HNRNPC: variants seen among roughly 807,000 people sequenced by gnomAD.
HNRNPC encodes heterogeneous nuclear ribonucleoprotein C.
HNRNPC carries 3 observed loss-of-function variants against 33.2 expected under a neutral mutation model. The ratio of observed to expected loss-of-function variants is 0.09; its 90% CI spans 0.04 to 0.23. The LOEUF (loss-of-function observed/expected upper bound fraction) is 0.23. Among genes scored for constraint, HNRNPC ranks in the 10% least tolerant of loss-of-function variants. HNRNPC has a pLI of 1.00. For missense variants in HNRNPC, 143 were observed against 366.7 expected, an observed-to-expected ratio of 0.39 and a Z score of 4.98; for synonymous variants, 121 against 126.7, an observed-to-expected ratio of 0.96 and a Z score of 0.30.
At chr14:21,253,791 C>T (rs573434707) in intron 2 of HNRNPC, among the ~76,000 whole-genome samples, 19 of 152,070 alleles carry the variant, frequency 1.2e-4, no homozygotes, top group South Asian at 2.1e-4. Context: ...TGCGGCCAGG[C>T]GCGGTGGCTC....
chr14:21,219,659 T>C (rs1892610220), intron 5 of HNRNPC, among the ~76,000 whole-genome samples: 5 of 152,226 alleles, frequency 3.3e-5, no homozygotes, highest in Admixed American at 2.6e-4. Flanking sequence ...TGCTCATTTC[T>C]TCCTTACCGC....
At chr14:21,248,227 G>C (rs937657033) in intron 2 of HNRNPC, among the ~76,000 whole-genome samples, 2 of 152,090 alleles carry the variant, frequency 1.3e-5, no homozygotes, top group African/African-American at 4.8e-5. Flanking sequence ...TGTACTTTTA[G>C]TACAGACGGG....
intron 1 of HNRNPC, chr14:21,265,548 C>G (rs934728856): frequency 1.3e-5 from 2 of 152,340 alleles, no homozygotes; most frequent in African/African-American, 4.8e-5. Context: ...GTGGCTCACA[C>G]CTGTAATCCC....
chr14:21,240,844 G>GA (rs1367076498), intron 2 of HNRNPC, among the ~76,000 whole-genome samples: 1 of 152,038 alleles, frequency 6.6e-6, no homozygotes, highest in Non-Finnish European at 1.5e-5. Context: ...TGGTCCAGGA[G>GA]AAAAAAATTA....
intron 5 of HNRNPC, among the ~76,000 whole-genome samples, chr14:21,217,904 T>C (rs759969579): frequency 1.3e-5 from 2 of 152,170 alleles, no homozygotes; most frequent in Non-Finnish European, 2.9e-5. Context: ...AGACATTTCA[T>C]GGGAAGACAA....
In HNRNPC at chr14:21,211,259, A is replaced by C; in HGVS notation, c.846T>G (p.Asp282Glu). 6.2e-7 allele frequency: 1 copy of C among 1,613,918 alleles called. No individual in the cohort carries two copies. ...CCTCGCCATTGGCGCTGTCTCTGTC[A>C]TCCTCTCCTTCCTCAGCCTCTTTTT... ...DDEKEAEEGE[D>E]DRDSANGEDD... The change falls in exon 9 of 9, where the codon GAT (aspartate) becomes GAG (glutamate). Residue 282 changes from aspartate to glutamate, a missense_variant. By Grantham distance (45) the Asp-to-Glu change is conservative (BLOSUM62 2). Coordinates refer to ENST00000553300, the MANE Select transcript of HNRNPC (RefSeq NM_004500.4).
chr14:21,217,390 T>C (rs1375660094), intron 5 of HNRNPC, among the ~76,000 whole-genome samples: 2 of 152,182 alleles, frequency 1.3e-5, no homozygotes, highest in Non-Finnish European at 2.9e-5. Context: ...TCATTTAAAA[T>C]ATAAAACGAC....
chr14:21,261,686 AG>A (rs1878276849), intron 2 of HNRNPC, among the ~76,000 whole-genome samples: 1 of 152,202 alleles, frequency 6.6e-6, no homozygotes, highest in Admixed American at 6.5e-5. Context: ...GCTTGAGCCC[AG>A]GAGTTCAAGA....
intron 1 of HNRNPC, chr14:21,268,648 ATATT>A (rs1879417910): frequency 6.6e-6 from 1 of 152,214 alleles, no homozygotes; most frequent in Admixed American, 6.5e-5. Flanking sequence ...ACTAACTTAT[ATATT>A]TCAAGTGTTT....
intron 5 of HNRNPC, among the ~76,000 whole-genome samples, chr14:21,221,957 G>A (rs928455418): frequency 2.1e-5 from 3 of 141,596 alleles, no homozygotes; most frequent in African/African-American, 5.2e-5. Flanking sequence ...GCTGAGGCAG[G>A]AGAATGGTGT....
Position 21,211,043 on chromosome 14 carries a change from G to A in HNRNPC, c.*180C>T, listed in dbSNP as rs922611153. 10 of 652,990 alleles carry A rather than the reference G, an allele frequency of 1.5e-5. No individual in the cohort carries two copies. In the South Asian group the frequency reaches 2.0e-4, roughly 13 times the overall value. 40.4% of individuals were successfully genotyped at this position (652,990 alleles called of 1,614,324 possible). On this transcript the variant is annotated 3_prime_UTR_variant, in exon 9 of 9. Transcript: ENST00000553300. ...AAAACTACTAGGAGCGTCAAAGGAA[G>A]TGAAAATGGGACTAGGCGCGGGGCA...
chr14:21,240,099 A>G (rs1249302664), intron 2 of HNRNPC, among the ~76,000 whole-genome samples: 2 of 152,176 alleles, frequency 1.3e-5, no homozygotes, highest in Non-Finnish European at 2.9e-5. Flanking sequence ...TTTTTGTCTG[A>G]TATGCTTGTC....
intron 2 of HNRNPC, among the ~76,000 whole-genome samples, chr14:21,247,415 G>A (rs929586431): frequency 5.3e-5 from 8 of 151,974 alleles, no homozygotes; most frequent in Admixed American, 2.0e-4. Flanking sequence ...AAAGTTTTTC[G>A]TGACATATTT....
At chr14:21,259,502 C>T (rs1466525066) in intron 2 of HNRNPC, among the ~76,000 whole-genome samples, 1 of 152,102 alleles carries the variant, frequency 6.6e-6, no homozygotes, top group Admixed American at 6.6e-5. Flanking sequence ...TCCTTGAATA[C>T]CTCCAAGATG....
chr14:21,254,735 G>A (rs952972304), intron 2 of HNRNPC: 46 of 152,218 alleles, frequency 3.0e-4, no homozygotes, highest in African/African-American at 1.1e-3. Context: ...GTGAAACCCT[G>A]TCTCTTGTAA....
intron 6 of HNRNPC, among the ~76,000 whole-genome samples, chr14:21,212,704 G>A (rs931445447): frequency 2.0e-5 from 3 of 151,920 alleles, no homozygotes; most frequent in African/African-American, 7.3e-5. Context: ...CACCATCCCC[G>A]GCAAATTTTT....
At chr14:21,226,234 A>T (rs577480878) in intron 5 of HNRNPC, among the ~76,000 whole-genome samples, 48 of 151,532 alleles carry the variant, frequency 3.2e-4, no homozygotes, top group African/African-American at 1.0e-3. Flanking sequence ...AGGCAGGAGA[A>T]TCTCGAGAAC....
At chr14:21,244,038 T>TG (rs1311387924) in intron 2 of HNRNPC, among the ~76,000 whole-genome samples, 1 of 152,106 alleles carries the variant, frequency 6.6e-6, no homozygotes, top group African/African-American at 2.4e-5. Flanking sequence ...CAAGTTTTTT[T>TG]TTTTTTTAAG....
intron 6 of HNRNPC, 148 bp downstream of exon 6, chr14:21,212,812 G>A: frequency 1.0e-6 from 1 of 1,001,758 alleles, no homozygotes. Context: ...CAAAGTGCTG[G>A]GATTACAGGC....
Sources: gnomAD v4.1 joint callset for allele counts (sites outside exome capture counted in the v4.1 genomes callset) on GRCh38, gnomAD v4.1.1 for gene constraint, MANE v1.5 for transcripts, NCBI Gene and HGNC (gene_info 2026-07-23, HGNC 2026-07-21) for gene names.